CNOT1: variants seen among roughly 807,000 people sequenced by gnomAD.
CNOT1 encodes CCR4-associated factor 1.
CNOT1 carries 15 observed loss-of-function variants against 273.8 expected under a neutral mutation model. The ratio of observed to expected loss-of-function variants is 0.05; its 90% confidence interval spans 0.04 to 0.08. CNOT1 has a LOEUF of 0.08. Among genes scored for constraint, CNOT1 ranks in the 10% least tolerant of loss-of-function variants. CNOT1 has a pLI of 1.00. For missense variants in CNOT1, 1,644 were observed against 2,912.2 expected, an observed-to-expected ratio of 0.56 and a Z score of 10.02; for synonymous variants, 1,022 against 1,005.5, an observed-to-expected ratio of 1.02 and a Z score of -0.31.
In CNOT1 at chr16:58,614,017, G is replaced by A. The variant is rs1438357110; in HGVS notation, c.-174-14506C>T. 5.1e-5 allele frequency among the ~76,000 whole-genome samples: 6 copies of A among 117,310 alleles called. 1 individual carries two copies. The highest frequency in any genetic ancestry group is 2.5e-4 in the South Asian group (1 of 3,982). The allele number at this position is 117,310 out of a possible 152,430, so 77.0% of individuals were successfully genotyped here. A position where few individuals can be genotyped will look rare whatever the true frequency, so the allele number is the denominator to read the frequency against. Reference sequence around the variant, plus strand: ...TGAGGCAGGAGAATGGCGTGAACCCGGGAGGCGGAGCTTGCAGTGAGCCAA... The same window carrying A: ...TGAGGCAGGAGAATGGCGTGAACCCAGGAGGCGGAGCTTGCAGTGAGCCAA... On this transcript the variant is annotated intron_variant, in intron 1 of 48. Coordinates refer to ENST00000317147, the MANE Select transcript of CNOT1 (RefSeq NM_016284.5).
rs751535390 is a variant in CNOT1 at position 58,537,046 on chromosome 16, G to A, written c.5589C>T (p.Tyr1863=). ...EYLLREWVNL[Y]HSAAAGRDST... Reference sequence around the variant, plus strand: ...TGTCGCGGCCAGCTGCTGCTGAATGGTAGAGATTCACCCATTCCCTCAGAA... The same window carrying A: ...TGTCGCGGCCAGCTGCTGCTGAATGATAGAGATTCACCCATTCCCTCAGAA... The change falls in exon 39 of 49, where the codon TAC becomes TAT. Residue 1863 remains tyrosine (Y), a synonymous_variant. Transcript: ENST00000317147. 12 of 1,613,964 alleles carry A rather than the reference G, an allele frequency of 7.4e-6. No individual in the cohort carries two copies. In the East Asian group the frequency reaches 2.2e-4, roughly 30 times the overall value.
At chr16:58,594,179 G>C (rs1342538552) in intron 2 of CNOT1, among the ~76,000 whole-genome samples, 1 of 152,124 alleles carries the variant, frequency 6.6e-6, no homozygotes, top group Non-Finnish European at 1.5e-5. Flanking sequence ...GGGAGGCGGA[G>C]GTTGCAGTGA....
In CNOT1 at chr16:58,558,616, G is replaced by T; in HGVS notation, c.2189C>A (p.Thr730Asn). 6.2e-7 allele frequency: 1 copy of T among 1,613,482 alleles called. No individual in the cohort carries two copies. The highest frequency in any genetic ancestry group is 1.3e-5 in the African/African-American group (1 of 74,996). The change falls in exon 18 of 49, where the codon ACC becomes AAC. Residue 730 changes from threonine to asparagine, a missense_variant. Around this residue, in one of 13 missense-constraint regions of CNOT1, gnomAD observed 706 missense variants for 1,021.2 expected, o/e 0.69. Coordinates refer to ENST00000317147, the MANE Select transcript of CNOT1 (RefSeq NM_016284.5). ...TGGAGGAAAACCCTGCATACTCTGG[G>T]TGTGAGGGGCAGCTGAACCACCTAT... is the stretch of plus-strand genomic sequence containing the variant. Reference protein sequence around the residue: ...LSIGGSAAPHTQSMQGFPPNL... With the variant: ...LSIGGSAAPHNQSMQGFPPNL...
intron 27 of CNOT1, among the ~76,000 whole-genome samples, 168 bp from the exon 28 acceptor site, chr16:58,546,917 T>C (rs974071536): frequency 6.6e-6 from 1 of 152,212 alleles, no homozygotes; most frequent in East Asian, 1.9e-4. Flanking sequence ...TAAACACTTA[T>C]ACCTCTGTAG....
rs771718027 is a variant in CNOT1, at chr16:58,546,685, T to C, written c.3815A>G (p.Glu1272Gly). Residue 1272 changes from glutamate to glycine, a missense_variant, in exon 28 of 49, where the codon GAG (glutamate) becomes GGG (glycine). Coordinates refer to ENST00000317147, the MANE Select transcript of CNOT1 (RefSeq NM_016284.5). The part of the protein sequence containing the change: ...IMNVLAELHQ[E>G]HDLKLNLKFE... ...GCAGTAAATTACCTTTAAGTCATGC[T>C]CCTGATGTAGCTCAGCTAATACATT... 1.2e-6 allele frequency: 2 copies of C among 1,613,890 alleles called. No individual in the cohort carries two copies.
At chr16:58,550,133 TTTAAAA>T (rs1268927800) in intron 24 of CNOT1, among the ~76,000 whole-genome samples, 1 of 152,230 alleles carries the variant, frequency 6.6e-6, no homozygotes, top group Non-Finnish European at 1.5e-5. Context: ...TATTTTCAGC[TTTAAAA>T]TTATAAAACA....
rs1173150110 is a variant in CNOT1 at position 58,520,093 on chromosome 16, G to C, written c.*865C>G. 1 of 152,228 alleles carries C rather than the reference G, an allele frequency of 6.6e-6. No individual in the cohort carries two copies. Among genetic ancestry groups the C allele is most frequent in the Non-Finnish European group, 1.5e-5 (1 of 68,046 alleles). The allele number at this position is 152,228 out of a possible 1,614,324, so 9.4% of individuals were successfully genotyped here. On this transcript the variant is annotated 3_prime_UTR_variant, in exon 49 of 49. Coordinates refer to ENST00000317147, the MANE Select transcript of CNOT1 (RefSeq NM_016284.5). The stretch of plus-strand genomic sequence containing the variant: ...ATTCAAAATCCTTATAAAAGGGGCT[G>C]TATTGGTCCTTTCAACTTTGTCATT...
Position 58,624,376 on chromosome 16 carries a change from T to G in CNOT1, c.-175+5352A>C, listed in dbSNP as rs2043477280. Among the ~76,000 whole-genome samples, 4 of 152,362 alleles carry G rather than the reference T, an allele frequency of 2.6e-5. No homozygotes were observed. In the South Asian group the frequency reaches 8.3e-4, roughly 32 times the overall value. On this transcript the variant is annotated intron_variant, in intron 1 of 48. Coordinates refer to ENST00000317147, the MANE Select transcript of CNOT1 (RefSeq NM_016284.5). ...AAAATTATCCTACATGGTTGCAACG[T>G]ATTCAACATTTCAGGAATTTCCCTG...
intron 12 of CNOT1, among the ~76,000 whole-genome samples, chr16:58,579,289 AAAAGACAGAAC>A (rs2041572682): frequency 6.6e-6 from 1 of 152,226 alleles, no homozygotes; most frequent in Non-Finnish European, 1.5e-5. Context: ...AAATAAATTT[AAAAGACAGAAC>A]AAAGACAGAT....
Position 58,541,559 on chromosome 16 carries a change from C to A in CNOT1, c.4742G>T (p.Gly1581Val). 6.2e-7 allele frequency: 1 copy of A among 1,614,004 alleles called. No homozygotes were observed. Among genetic ancestry groups the A allele is most frequent in the Non-Finnish European group, 8.5e-7 (1 of 1,179,912 alleles). Reference protein sequence around the residue: ...VYEEFARNVPGFLPTNDLSQP... With the variant: ...VYEEFARNVPVFLPTNDLSQP... ...ACTTAAGTCATTTGTAGGTAAGAAG[C>A]CAGGAACATTGCGTGCAAACTCTTC... Residue 1581 changes from glycine (G) to valine (V), a missense_variant, in exon 34 of 49, where the codon GGC becomes GTC. This residue lies in a region of CNOT1 where 170 missense variants were observed against 273.1 expected (regional missense o/e 0.62). Transcript: ENST00000317147.
At position 58,520,505 on chromosome 16, in the gene CNOT1, T is replaced by G. The variant is rs978860710; in HGVS notation, c.*453A>C. On this transcript the variant is annotated 3_prime_UTR_variant, in exon 49 of 49. Transcript: ENST00000317147. ...TGATTTTCAAGGTCCCCTGTCCACA[T>G]TAAAAAAATAAGTTACATAATATTC... The G allele has an allele frequency of 1.2e-4, 20 of 169,362 alleles. No homozygotes were observed. Among genetic ancestry groups the G allele is most frequent in the Non-Finnish European group, 2.3e-4 (18 of 77,102 alleles). 10.5% of individuals were successfully genotyped at this position (169,362 alleles called of 1,614,324 possible).
intron 1 of CNOT1, among the ~76,000 whole-genome samples, chr16:58,610,776 G>A (rs2042868477): frequency 6.6e-6 from 1 of 151,544 alleles, no homozygotes; most frequent in Non-Finnish European, 1.5e-5. Flanking sequence ...CCAGGAGGTG[G>A]AGCTTGCAGT....
intron 16 of CNOT1, among the ~76,000 whole-genome samples, chr16:58,568,638 C>G (rs1038282618): frequency 2.6e-5 from 4 of 152,042 alleles, no homozygotes; most frequent in Non-Finnish European, 4.4e-5. Flanking sequence ...CGAGATCGTG[C>G]CACTGCACTC....
rs182473259 is a variant in CNOT1 at position 58,612,717 on chromosome 16, C to T, written c.-174-13206G>A. Among the ~76,000 whole-genome samples, 6 of 152,188 alleles carry T rather than the reference C, an allele frequency of 3.9e-5. No homozygotes were observed. The East Asian group carries it at 5.8e-4, about 15-fold the overall frequency. ...TCCTGCCACTGCACTCCAGCCTGGGCGACAAGAGCAAAACTTCTATGGAAG... is the reference window on the plus strand; with the variant it reads ...TCCTGCCACTGCACTCCAGCCTGGGTGACAAGAGCAAAACTTCTATGGAAG... On this transcript the variant is annotated intron_variant, in intron 1 of 48. Transcript: ENST00000317147.
At chr16:58,544,677 G>A (rs373464538) in intron 30 of CNOT1, among the ~76,000 whole-genome samples, 5 of 152,174 alleles carry the variant, frequency 3.3e-5, no homozygotes, top group African/African-American at 1.2e-4. Flanking sequence ...TGTTACTCTT[G>A]TATTTGTGAA....
chr16:58,578,805 G>A lies in CNOT1; in HGVS notation c.1478C>T (p.Thr493Ile), dbSNP rs2041556705. The change falls in exon 13 of 49, where the codon ACC (threonine) becomes ATC (isoleucine). Residue 493 changes from threonine (T) to isoleucine (I), a missense_variant. Thr to Ile is a moderately conservative substitution (Grantham distance 89, BLOSUM62 -1). Coordinates refer to ENST00000317147, the MANE Select transcript of CNOT1 (RefSeq NM_016284.5). ...TTCATGGCGCAAGGTATGCCAAGAG[G>A]TGTTAATTTGTAGTAAGGCCAATAC... ...MLVLALLQIN[T>I]SWHTLRHELI... 6.2e-7 allele frequency: 1 copy of A among 1,614,000 alleles called. No homozygotes were observed. The highest frequency in any genetic ancestry group is 8.5e-7 in the Non-Finnish European group (1 of 1,180,038).
intron 44 of CNOT1, among the ~76,000 whole-genome samples, chr16:58,526,781 C>T (rs1597395835): frequency 1.4e-5 from 2 of 145,310 alleles, no homozygotes; most frequent in East Asian, 2.0e-4. Flanking sequence ...CGCGCCATTG[C>T]GCTCCAGCCT....
chr16:58,537,879 T>G lies in CNOT1; in HGVS notation c.5414+12A>C. ...CTAAATGCACAGGGATCTCAAAGCATTTCATCCTCACCCTTCTGGAGCATT... is the reference window on the plus strand; with the variant it reads ...CTAAATGCACAGGGATCTCAAAGCAGTTCATCCTCACCCTTCTGGAGCATT... On this transcript the variant is annotated intron_variant, in intron 38 of 48. Transcript: ENST00000317147. The G allele has an allele frequency of 6.2e-7, 1 of 1,613,376 alleles. No homozygotes were observed. The highest frequency in any genetic ancestry group is 8.5e-7 in the Non-Finnish European group (1 of 1,179,282).
At chr16:58,600,414 A>C (rs1291781556) in intron 1 of CNOT1, among the ~76,000 whole-genome samples, 1 of 152,188 alleles carries the variant, frequency 6.6e-6, no homozygotes, top group South Asian at 2.1e-4. Context: ...ACCTATTTCA[A>C]AATAATTTCT....
Sources: gnomAD v4.1 joint callset for allele counts (sites outside exome capture counted in the v4.1 genomes callset) on GRCh38, gnomAD v4.1.1 for gene constraint, gnomAD v4.1.1 regional missense constraint, MANE v1.5 for transcripts, NCBI Gene and HGNC (gene_info 2026-07-23, HGNC 2026-07-21) for gene names.